Variants in EED observed in about 807,000 individuals in gnomAD.
The protein encoded by EED is polycomb protein EED.
A neutral mutation model predicts 61.0 loss-of-function variants in EED; 9 were observed. The ratio of observed to expected loss-of-function variants is 0.15; its 90% confidence interval spans 0.09 to 0.26. The LOEUF (loss-of-function observed/expected upper bound fraction) is 0.26, where lower values mean the gene tolerates loss of function less well. Among genes scored for constraint, EED ranks in the 10% least tolerant of loss-of-function variants. The probability of loss-of-function intolerance (pLI) is 1.00; values close to 1 mark genes in which losing one functional copy is unlikely to be tolerated. For synonymous variants in EED, 187 were observed against 174.4 expected, an observed-to-expected ratio of 1.07 and a Z score of -0.57; for missense variants, 315 against 542.3, an observed-to-expected ratio of 0.58 and a Z score of 4.16.
chr11:86,278,215 G>C, intron 11 of EED, 184 bp from the exon 12 acceptor site: 1 of 1,334,816 alleles, frequency 7.5e-7, no homozygotes, highest in Non-Finnish European at 9.6e-7. Context: ...TGTAGTGCTT[G>C]TTGAACTTAA....
At chr11:86,247,974 A>G (rs1206891558) in intron 1 of EED, among the ~76,000 whole-genome samples, 3 of 152,216 alleles carry the variant, frequency 2.0e-5, no homozygotes, top group Admixed American at 6.5e-5. Context: ...CTGCGAGAGT[A>G]CTAATGGATG....
intron 1 of EED, among the ~76,000 whole-genome samples, chr11:86,248,930 C>T (rs1380004675): frequency 6.6e-6 from 1 of 152,062 alleles, no homozygotes. Flanking sequence ...GGGAAGATCA[C>T]TTGAGTCTGG....
the EED span, among the ~76,000 whole-genome samples, chr11:86,285,427 GA>G: frequency 4.7e-5 from 7 of 149,946 alleles, no homozygotes; most frequent in South Asian, 4.2e-4. Flanking sequence ...CTCAAAAAAA[GA>G]AAAAAAAATT....
chr11:86,260,137 T>TA (rs1280190104), intron 6 of EED, among the ~76,000 whole-genome samples: 1 of 152,204 alleles, frequency 6.6e-6, no homozygotes, highest in Admixed American at 6.5e-5. Context: ...ACCTCTGGGG[T>TA]GTTTATGTGA....
chr11:86,282,958 C>A (rs2138249284), downstream of EED, among the ~76,000 whole-genome samples: 1 of 152,108 alleles, frequency 6.6e-6, no homozygotes, highest in Admixed American at 6.6e-5. Context: ...AGTGAAACCC[C>A]ACCTCTACTA....
At chr11:86,269,136 G>C (rs1565701173) in intron 9 of EED, among the ~76,000 whole-genome samples, 1 of 152,062 alleles carries the variant, frequency 6.6e-6, no homozygotes, top group African/African-American at 2.4e-5. Context: ...GCCTACAGTT[G>C]GGCAAAATTA....
Position 86,278,664 on chromosome 11 carries a change from T to A in EED, c.*139T>A. 1 of 1,028,868 alleles carries A rather than the reference T, an allele frequency of 9.7e-7. No individual in the cohort carries two copies. The highest frequency in any genetic ancestry group is 1.3e-6 in the Non-Finnish European group (1 of 741,798). 63.7% of individuals were successfully genotyped at this position (1,028,868 alleles called of 1,614,324 possible). The stretch of plus-strand genomic sequence containing the variant: ...TCAGGCTGAGCTGAATGTAGTGATG[T>A]TTACATTGTTTACATTCTTTGTACT... On this transcript the variant is annotated 3_prime_UTR_variant, in exon 12 of 12. Coordinates refer to ENST00000263360, the MANE Select transcript of EED (RefSeq NM_003797.5).
chr11:86,275,904 G>A (rs895097979), intron 9 of EED, among the ~76,000 whole-genome samples: 8 of 152,296 alleles, frequency 5.3e-5, no homozygotes, highest in Admixed American at 5.2e-4. Flanking sequence ...GAAGAAAAAT[G>A]TGTTGTCTCC....
chr11:86,248,383 G>A (rs1245668717), intron 1 of EED, among the ~76,000 whole-genome samples: 1 of 152,170 alleles, frequency 6.6e-6, no homozygotes, highest in Non-Finnish European at 1.5e-5. Flanking sequence ...CTCTGTATTG[G>A]CAGCTCAGTG....
At chr11:86,263,570 A>T (rs1050161984) in intron 6 of EED, among the ~76,000 whole-genome samples, 3 of 152,208 alleles carry the variant, frequency 2.0e-5, no homozygotes, top group Admixed American at 2.0e-4. Context: ...TTGTTGAGAC[A>T]GGGTCTTGCT....
At position 86,278,574 on chromosome 11, in the gene EED, A is replaced by G. The variant is rs778678479; in HGVS notation, c.*49A>G. Reference sequence around the variant, plus strand: ...AGAGTGTGTTTGTTGTCTGTGTAAAATAGAATTAATGTATCTTGCTAGTAA... The same window carrying G: ...AGAGTGTGTTTGTTGTCTGTGTAAAGTAGAATTAATGTATCTTGCTAGTAA... On this transcript the variant is annotated 3_prime_UTR_variant, in exon 12 of 12. Coordinates refer to ENST00000263360, the MANE Select transcript of EED (RefSeq NM_003797.5). 6.3e-7 allele frequency: 1 copy of G among 1,597,830 alleles called. No homozygotes were observed. The highest frequency in any genetic ancestry group is 8.5e-7 in the Non-Finnish European group (1 of 1,170,202).
chr11:86,252,514 CTTT>C (rs369772003), intron 3 of EED, among the ~76,000 whole-genome samples: 4 of 138,162 alleles, frequency 2.9e-5, no homozygotes, highest in East Asian at 2.1e-4. Flanking sequence ...AATTGGCGTC[CTTT>C]TTTTTTTTTT....
At chr11:86,253,973 G>A (rs1405083367) in intron 3 of EED, among the ~76,000 whole-genome samples, 3 of 145,566 alleles carry the variant, frequency 2.1e-5, no homozygotes, top group Non-Finnish European at 3.0e-5. Context: ...ACTGGAATCC[G>A]GGAGGCAGAG....
rs534062072 is a variant in EED at position 86,264,940 on chromosome 11, G to A, written c.726+677G>A. On this transcript the variant is annotated intron_variant, in intron 7 of 11. Transcript: ENST00000263360. Reference sequence around the variant, plus strand: ...ATGTAAAGGGGCACCATATTTTACAGCATGTAACATTTTAGTTGAAGGTAC... The same window carrying A: ...ATGTAAAGGGGCACCATATTTTACAACATGTAACATTTTAGTTGAAGGTAC... 2.6e-5 allele frequency: 4 copies of A among 152,302 alleles called. No individual in the cohort carries two copies. The South Asian group carries it at 8.3e-4, about 32-fold the overall frequency. 9.4% of individuals were successfully genotyped at this position (152,302 alleles called of 1,614,324 possible).
At chr11:86,251,220 T>A (rs1198858470) in intron 2 of EED, among the ~76,000 whole-genome samples, 2 of 152,206 alleles carry the variant, frequency 1.3e-5, no homozygotes, top group African/African-American at 2.4e-5. Context: ...TTTCTGTCTG[T>A]GTAGCAAAAA....
chr11:86,286,942 T>A, the EED span, among the ~76,000 whole-genome samples: 25 of 126,564 alleles, frequency 2.0e-4, 1 homozygote, highest in Non-Finnish European at 4.7e-5. Flanking sequence ...ACTGCACTCC[T>A]GCCTGGGCGA....
intron 3 of EED, among the ~76,000 whole-genome samples, chr11:86,252,514 C>CT (rs369772003): frequency 0.36 from 49,267 of 137,966 alleles, 8,648 homozygotes; most frequent in Middle Eastern, 0.38. Context: ...AATTGGCGTC[C>CT]TTTTTTTTTT....
At chr11:86,260,323 C>G (rs1290881961) in intron 6 of EED, among the ~76,000 whole-genome samples, 1 of 152,138 alleles carries the variant, frequency 6.6e-6, no homozygotes, top group East Asian at 1.9e-4. Flanking sequence ...AGCTCCTGGC[C>G]TCAAGCAATG....
At chr11:86,286,086 A>G in the EED span, among the ~76,000 whole-genome samples, 1 of 152,110 alleles carries the variant, frequency 6.6e-6, no homozygotes, top group Admixed American at 6.6e-5. Context: ...GCTGGAATGC[A>G]GTGGTGCAAT....
Sources: allele counts gnomAD v4.1 joint callset (sites outside exome capture counted in the v4.1 genomes callset), GRCh38; gene constraint gnomAD v4.1.1; transcripts MANE v1.5; gene names NCBI Gene and HGNC (gene_info 2026-07-23, HGNC 2026-07-21).